Variants in BPIFA3 observed in about 807,000 individuals in gnomAD.
The protein encoded by BPIFA3 is BPI fold containing family A member 3.
In BPIFA3, 32 loss-of-function variants were observed where a neutral mutation model predicts 29.7. The ratio of observed to expected loss-of-function variants is 1.08; its 90% CI spans 0.81 to 1.45. The LOEUF (loss-of-function observed/expected upper bound fraction) is 1.45. Ranked by LOEUF, BPIFA3 falls within the 40% of genes most tolerant of loss-of-function variation. BPIFA3 has a pLI of 0.00. For synonymous variants in BPIFA3, 112 were observed against 113.7 expected, an observed-to-expected ratio of 0.98 and a Z score of 0.10; for missense variants, 323 against 311.3, an observed-to-expected ratio of 1.04 and a Z score of -0.28.
In BPIFA3 at chr20:33,217,479, C is replaced by T; in HGVS notation, c.-58C>T. On this transcript the variant is annotated 5_prime_UTR_variant, in exon 1 of 7. Coordinates refer to ENST00000375454, the MANE Select transcript of BPIFA3 (RefSeq NM_178466.5). The stretch of plus-strand genomic sequence containing the variant: ...GACCATCCCTCCAGACTGCCACCCT[C>T]AAAGCCGTCTGCCCAGGCCCCATCT... 1.3e-6 allele frequency: 2 copies of T among 1,588,346 alleles called. No homozygotes were observed. The highest frequency in any genetic ancestry group is 1.1e-5 in the South Asian group (1 of 87,042).
At chr20:33,225,416 C>G in intron 4 of BPIFA3, 169 bp downstream of exon 4, 1 of 891,318 alleles carries the variant, frequency 1.1e-6, no homozygotes, top group African/African-American at 1.7e-5. Flanking sequence ...ACCACCCTCC[C>G]AGAAGCCAGA....
intron 3 of BPIFA3, among the ~76,000 whole-genome samples, chr20:33,224,817 AG>A (rs1336249942): frequency 6.6e-6 from 1 of 152,186 alleles, no homozygotes; most frequent in African/African-American, 2.4e-5. Flanking sequence ...CAAGAAAGGG[AG>A]GATGCAGCTA....
intron 5 of BPIFA3, 145 bp from the exon 6 acceptor site, chr20:33,226,785 T>C: frequency 1.2e-6 from 1 of 811,344 alleles, no homozygotes; most frequent in Admixed American, 2.2e-5. Flanking sequence ...ACTGAGCAGG[T>C]AGTTGGCGCT....
Position 33,217,549 on chromosome 20 carries a change from C to G in BPIFA3, c.13C>G (p.Leu5Val). 6.2e-7 allele frequency: 1 copy of G among 1,614,150 alleles called. No individual in the cohort carries two copies. The highest frequency in any genetic ancestry group is 8.5e-7 in the Non-Finnish European group (1 of 1,179,990). Residue 5 changes from leucine to valine, a missense_variant, in exon 1 of 7, where the codon CTC (leucine) becomes GTC (valine). Physicochemically the swap from Leu to Val is conservative, Grantham distance 32. Coordinates refer to ENST00000375454, the MANE Select transcript of BPIFA3 (RefSeq NM_178466.5). MMCP[L>V]WRLLIFLGLL... ...GGTCCCAGACCCTATGATGTGTCCA[C>G]TCTGGAGGCTCCTCATCTTCCTCGG...
intron 1 of BPIFA3, among the ~76,000 whole-genome samples, chr20:33,219,140 A>G (rs1198043233): frequency 1.3e-5 from 2 of 152,140 alleles, no homozygotes; most frequent in Non-Finnish European, 2.9e-5. Context: ...CCTGACCTCA[A>G]GTGATCTACC....
At chr20:33,221,493 G>A (rs1229260992) in intron 1 of BPIFA3, among the ~76,000 whole-genome samples, 2 of 152,218 alleles carry the variant, frequency 1.3e-5, no homozygotes, top group Non-Finnish European at 2.9e-5. Context: ...TAGGATCTTA[G>A]CAAACTTTTC....
intron 4 of BPIFA3, 122 bp from the exon 5 acceptor site, chr20:33,226,284 C>G (rs2048212447): frequency 1.4e-6 from 1 of 725,264 alleles, no homozygotes; most frequent in African/African-American, 1.8e-5. Flanking sequence ...GACAATGATA[C>G]TTCTGGCATG....
rs748829090 is a variant in BPIFA3 at position 33,223,931 on chromosome 20, G to T, written c.248G>T (p.Gly83Val). The T allele has an allele frequency of 2.5e-6, 4 of 1,614,182 alleles. No homozygotes were observed. Among genetic ancestry groups the T allele is most frequent in the Non-Finnish European group, 3.4e-6 (4 of 1,180,026 alleles). ...APGLVGWLIS[G>V]RKHQQQQESS... is the part of the protein sequence containing the mutation. ...GGGCTGGTGGGCTGGCTAATCAGCG[G>T]CAGGAAACACCAGCAGCAGCAAGAG... The change falls in exon 2 of 7, where the codon GGC becomes GTC. Residue 83 changes from glycine (G) to valine (V), a missense_variant. Coordinates refer to ENST00000375454, the MANE Select transcript of BPIFA3 (RefSeq NM_178466.5).
chr20:33,225,016 C>T, intron 3 of BPIFA3, 82 bp from the exon 4 acceptor site: 1 of 1,327,908 alleles, frequency 7.5e-7, no homozygotes, highest in Non-Finnish European at 1.1e-6. Context: ...GTGGACAGTG[C>T]CCGTCTTTGC....
intron 1 of BPIFA3, among the ~76,000 whole-genome samples, chr20:33,220,914 T>C (rs1280761633): frequency 2.0e-5 from 3 of 152,228 alleles, no homozygotes; most frequent in African/African-American, 7.2e-5. Context: ...GTAAATTTTC[T>C]GTGGGTTTTT....
At chr20:33,227,040 G>T (rs1167934838) in intron 6 of BPIFA3, 47 bp downstream of exon 6, 2 of 1,558,304 alleles carry the variant, frequency 1.3e-6, no homozygotes, top group Non-Finnish European at 1.8e-6. Flanking sequence ...ACTGGCAAGT[G>T]GCTGAAAGAG....
intron 3 of BPIFA3, 115 bp from the exon 4 acceptor site, chr20:33,224,981 CAG>C: frequency 1.1e-6 from 1 of 894,796 alleles, no homozygotes; most frequent in Non-Finnish European, 1.8e-6. Flanking sequence ...TGAAAGGACT[CAG>C]AGTGCCAGGG....
rs1298748056 is a variant in BPIFA3, at chr20:33,223,966, G to A, written c.278+5G>A. On this transcript the variant is annotated splice_donor_5th_base_variant and intron_variant, in intron 2 of 6. Transcript: ENST00000375454. ...CCAGCAGCAGCAAGAGAGCAGGTGA[G>A]ACCCTGAGTTCTATCCGTGGCCCTG... The A allele has an allele frequency of 6.2e-7, 1 of 1,613,590 alleles. No homozygotes were observed. The highest frequency in any genetic ancestry group is 8.5e-7 in the Non-Finnish European group (1 of 1,179,882).
chr20:33,224,697 T>A (rs1447809586), intron 3 of BPIFA3, among the ~76,000 whole-genome samples: 1 of 152,192 alleles, frequency 6.6e-6, no homozygotes, highest in Admixed American at 6.5e-5. Context: ...CTATGAGAGT[T>A]CACAACAACT....
chr20:33,217,878 CTTTTG>C (rs1353059761), intron 1 of BPIFA3, among the ~76,000 whole-genome samples: 2 of 152,210 alleles, frequency 1.3e-5, no homozygotes, highest in Non-Finnish European at 2.9e-5. Flanking sequence ...CAAGGTCCCC[CTTTTG>C]TTTTATTTTC....
At chr20:33,221,138 T>G (rs1487972021) in intron 1 of BPIFA3, among the ~76,000 whole-genome samples, 1 of 149,506 alleles carries the variant, frequency 6.7e-6, no homozygotes, top group Admixed American at 6.6e-5. Flanking sequence ...GTTTTTATGA[T>G]GTACTGTTAG....
intron 1 of BPIFA3, 121 bp from the exon 2 acceptor site, chr20:33,223,690 A>G: frequency 9.9e-7 from 1 of 1,006,430 alleles, no homozygotes; most frequent in South Asian, 1.7e-5. Context: ...GGAGGTGGTG[A>G]CATGCACCAC....
intron 1 of BPIFA3, among the ~76,000 whole-genome samples, chr20:33,221,777 C>T (rs1304980703): frequency 6.6e-6 from 1 of 152,084 alleles, no homozygotes. Flanking sequence ...TGAAACTTGG[C>T]ATTTTGTGGT....
At position 33,226,394 on chromosome 20, in the gene BPIFA3, C is replaced by A; in HGVS notation, c.537-12C>A. 1 of 1,599,748 alleles carries A rather than the reference C, an allele frequency of 6.3e-7. No homozygotes were observed. Among genetic ancestry groups the A allele is most frequent in the Non-Finnish European group, 8.6e-7 (1 of 1,167,484 alleles). On this transcript the variant is annotated splice_polypyrimidine_tract_variant and intron_variant, in intron 4 of 6. Transcript: ENST00000375454. ...GCTCTGTTCTGTTCTGTGCCTCTAC[C>A]TTTCTTTCTAGGGCTATCCCACCAA...
Sources: gnomAD v4.1 joint callset for allele counts (sites outside exome capture counted in the v4.1 genomes callset) on GRCh38, gnomAD v4.1.1 for gene constraint, MANE v1.5 for transcripts, NCBI Gene and HGNC (gene_info 2026-07-23, HGNC 2026-07-21) for gene names.